FRY: variants seen among roughly 807,000 people sequenced by gnomAD.
The protein encoded by FRY is FRY microtubule binding protein.
FRY carries 128 observed loss-of-function variants against 348.4 expected under a neutral mutation model. That is an observed-to-expected ratio of 0.37 (90% CI 0.32 to 0.43). The LOEUF (loss-of-function observed/expected upper bound fraction) is 0.43. Ranked by LOEUF, FRY falls within the 20% of genes least tolerant of loss-of-function variation. FRY has a pLI of 1.00. For synonymous variants in FRY, 1,370 were observed against 1,374.7 expected (o/e 1.00, Z 0.08); for missense variants, 2,736 against 3,695.2 (o/e 0.74, Z 6.73).
At chr13:32,266,235 T>C (rs1388273960) in intron 54 of FRY, among the ~76,000 whole-genome samples, 5 of 152,258 alleles carry the variant, frequency 3.3e-5, no homozygotes, top group African/African-American at 9.6e-5. Context: ...GCTTCTGATA[T>C]GCTAGACAAA....
At chr13:32,266,064 G>GA (rs5802641) in intron 54 of FRY, among the ~76,000 whole-genome samples, 14,528 of 147,342 alleles carry the variant, frequency 0.099, 905 homozygotes, top group East Asian at 0.23. Flanking sequence ...TATAGAAACA[G>GA]AAAAAAAAAA....
chr13:32,284,835 A>C (rs145295333), intron 58 of FRY, among the ~76,000 whole-genome samples: 1 of 152,312 alleles, frequency 6.6e-6, no homozygotes, highest in African/African-American at 2.4e-5. Flanking sequence ...TCATATCAAA[A>C]GTTTCTTAGA....
At chr13:32,223,167 A>G (rs1885403161) in intron 36 of FRY, among the ~76,000 whole-genome samples, 1 of 152,024 alleles carries the variant, frequency 6.6e-6, no homozygotes, top group Non-Finnish European at 1.5e-5. Context: ...CATATTGGCC[A>G]GGCTGGTCTC....
chr13:32,295,282 AAAC>A lies in FRY; in HGVS notation c.8865_8867del (p.Gln2955_Thr2956delinsHis). ...CTACTGAATATTTATTTCCGTCACC[AAAC>A]TCTGGGACAGACGGGTACTTATGCC... is the stretch of plus-strand genomic sequence containing the variant. On this transcript the variant is annotated inframe_deletion, in exon 61 of 61. Coordinates refer to ENST00000542859, the MANE Select transcript of FRY (RefSeq NM_023037.3). The A allele has an allele frequency of 2.5e-6, 4 of 1,613,956 alleles. No individual in the cohort carries two copies. Among genetic ancestry groups the A allele is most frequent in the Non-Finnish European group, 3.4e-6 (4 of 1,179,844 alleles).
intron 19 of FRY, 94 bp from the exon 20 acceptor site, chr13:32,175,452 C>G: frequency 1.2e-6 from 1 of 814,292 alleles, no homozygotes; most frequent in Non-Finnish European, 2.2e-6. Context: ...CACTATCTCA[C>G]AAGCTGTTCT....
chr13:32,237,319 G>C lies in FRY; in HGVS notation c.5811-60G>C. 3 of 1,565,646 alleles carry C rather than the reference G, an allele frequency of 1.9e-6. No homozygotes were observed. The highest frequency in any genetic ancestry group is 2.6e-6 in the Non-Finnish European group (3 of 1,142,308). ...GCAGTGTTTCTCAGTGGACTTGAAAGGACTGGCTTTTGGTGACACATGTTG... is the reference window on the plus strand; with the variant it reads ...GCAGTGTTTCTCAGTGGACTTGAAACGACTGGCTTTTGGTGACACATGTTG... On this transcript the variant is annotated intron_variant, in intron 43 of 60. Transcript: ENST00000542859. This position sits in a 1 kb window ranked among gnomAD's most constrained non-coding sequence, Gnocchi z 6.3.
chr13:32,126,553 C>G (rs1475932077), intron 7 of FRY, among the ~76,000 whole-genome samples: 1 of 152,174 alleles, frequency 6.6e-6, no homozygotes, highest in Non-Finnish European at 1.5e-5. Context: ...AGAAATGCCT[C>G]CATTTGGACA....
intron 35 of FRY, among the ~76,000 whole-genome samples, chr13:32,216,586 G>A (rs17077277): frequency 0.12 from 18,920 of 152,180 alleles, 1,461 homozygotes; most frequent in African/African-American, 0.21. Flanking sequence ...TCCACCCGAC[G>A]GAAACCTGCA....
intron 23 of FRY, among the ~76,000 whole-genome samples, chr13:32,180,455 G>A (rs375917820): frequency 6.6e-5 from 10 of 152,224 alleles, no homozygotes; most frequent in East Asian, 3.9e-4. Flanking sequence ...GGCTGTTCTC[G>A]AACTTCTGAC....
Position 32,132,882 on chromosome 13 carries a change from C to A in FRY, c.885+1042C>A, listed in dbSNP as rs553423476. On this transcript the variant is annotated intron_variant, in intron 8 of 60. Coordinates refer to ENST00000542859, the MANE Select transcript of FRY (RefSeq NM_023037.3). ...TAAAAAGTAGTGAAGCTGATACATG[C>A]CACAACATGGGTGAACTTTGAAAAT... Among the ~76,000 whole-genome samples the A allele has an allele frequency of 2.6e-5, 4 of 152,280 alleles. No individual in the cohort carries two copies. In the East Asian group the frequency reaches 7.7e-4, roughly 29 times the overall value.
intron 31 of FRY, among the ~76,000 whole-genome samples, chr13:32,207,433 T>C (rs1016368058): frequency 2.6e-5 from 4 of 152,206 alleles, no homozygotes; most frequent in African/African-American, 9.6e-5. Context: ...TTTGTCAACA[T>C]AATTTGTCTG....
intron 2 of FRY, among the ~76,000 whole-genome samples, chr13:32,094,683 A>G (rs996783990): frequency 2.6e-5 from 4 of 152,188 alleles, no homozygotes; most frequent in African/African-American, 9.7e-5. Context: ...TGCAAATGAC[A>G]GGATCTCATT....
At chr13:32,258,008 T>G (rs2138530946) in intron 51 of FRY, 2 of 1,562,604 alleles carry the variant, frequency 1.3e-6, no homozygotes, top group East Asian at 4.5e-5. Flanking sequence ...AATATGCTAG[T>G]AGATGTTTTG....
intron 17 of FRY, among the ~76,000 whole-genome samples, chr13:32,167,801 T>A (rs1384612614): frequency 1.3e-5 from 2 of 152,200 alleles, no homozygotes; most frequent in African/African-American, 4.8e-5. Context: ...ATATAGTAAA[T>A]TAGAATAATA....
rs2138597723 is a variant in FRY at position 32,274,989 on chromosome 13, A to G, written c.8284A>G (p.Thr2762Ala). Reference sequence around the variant, plus strand: ...TCCTACACTTTTTGTGGATGCCGAGACTGTGAGTATCCCAGTCCTGCTCTG... The same window carrying G: ...TCCTACACTTTTTGTGGATGCCGAGGCTGTGAGTATCCCAGTCCTGCTCTG... ...ECPTLFVDAE[T>A]LLSCGLLDKL... Residue 2762 changes from threonine (T) to alanine (A), a missense_variant and splice_region_variant, in exon 56 of 61, where the codon ACT (threonine) becomes GCT (alanine). Around this residue, in one of 9 missense-constraint regions of FRY, gnomAD observed 789 missense variants for 996.2 expected, o/e 0.79. Coordinates refer to ENST00000542859, the MANE Select transcript of FRY (RefSeq NM_023037.3). The G allele has an allele frequency of 6.2e-7, 1 of 1,613,496 alleles. No homozygotes were observed. Among genetic ancestry groups the G allele is most frequent in the East Asian group, 2.2e-5 (1 of 44,860 alleles).
At chr13:32,053,932 A>G (rs373437823) in intron 1 of FRY, among the ~76,000 whole-genome samples, 10 of 152,244 alleles carry the variant, frequency 6.6e-5, no homozygotes, top group African/African-American at 2.4e-4. Flanking sequence ...GGAGGTTGCA[A>G]TGAGCTGAGA....
intron 58 of FRY, among the ~76,000 whole-genome samples, chr13:32,288,668 G>A (rs537714812): frequency 9.2e-5 from 14 of 152,290 alleles, no homozygotes; most frequent in South Asian, 2.1e-4. Flanking sequence ...AAGAAAGGCC[G>A]TATTTATCCT....
intron 36 of FRY, among the ~76,000 whole-genome samples, chr13:32,221,554 C>T (rs575670485): frequency 1.5e-4 from 23 of 152,246 alleles, no homozygotes; most frequent in African/African-American, 4.6e-4. Context: ...CACCCATAGC[C>T]CAGGCTATAG....
intron 22 of FRY, 87 bp downstream of exon 22, chr13:32,179,120 C>A (rs1260594444): frequency 2.1e-6 from 2 of 951,300 alleles, no homozygotes; most frequent in Non-Finnish European, 1.7e-6. Flanking sequence ...TTGCACTGTG[C>A]CTGCCATCTG....
Sources: gnomAD v4.1 joint callset for allele counts (sites outside exome capture counted in the v4.1 genomes callset) on GRCh38, gnomAD v4.1.1 for gene constraint, gnomAD v4.1.1 regional missense constraint, Gnocchi (gnomAD v3.1) non-coding constraint, MANE v1.5 for transcripts, NCBI Gene and HGNC (gene_info 2026-07-23, HGNC 2026-07-21) for gene names.